Variants in KIAA1958 observed in about 807,000 individuals in gnomAD.
The protein encoded by KIAA1958 is KIAA1958.
In KIAA1958, 14 loss-of-function variants were observed where a neutral mutation model predicts 47.2. That is an observed-to-expected ratio of 0.30 (90% CI 0.20 to 0.46). The LOEUF (loss-of-function observed/expected upper bound fraction) is 0.46, where lower values mean the gene tolerates loss of function less well. Ranked by LOEUF, KIAA1958 falls within the 20% of genes least tolerant of loss-of-function variation. The pLI is 1.00. For synonymous variants in KIAA1958, 354 were observed against 353.3 expected (o/e 1.00, Z -0.02); for missense variants, 803 against 909.2 (o/e 0.88, Z 1.50).
At chr9:112,545,164 G>A (rs553395500) in intron 1 of KIAA1958, among the ~76,000 whole-genome samples, 1 of 152,170 alleles carries the variant, frequency 6.6e-6, no homozygotes, top group South Asian at 2.1e-4. Flanking sequence ...CTGGTCTACC[G>A]TTGACCTCCA....
At chr9:112,596,585 T>C (rs1836037079) in intron 2 of KIAA1958, among the ~76,000 whole-genome samples, 1 of 152,140 alleles carries the variant, frequency 6.6e-6, no homozygotes, top group African/African-American at 2.4e-5. Flanking sequence ...TGGAACAACA[T>C]AATTTTTATT....
intron 2 of KIAA1958, among the ~76,000 whole-genome samples, chr9:112,621,391 G>A (rs546733399): frequency 1.3e-5 from 2 of 152,244 alleles, no homozygotes; most frequent in South Asian, 4.2e-4. Flanking sequence ...AAAATGTTAT[G>A]GTGCATTTAA....
At chr9:112,557,165 AC>A (rs11311857) in intron 1 of KIAA1958, among the ~76,000 whole-genome samples, 82,149 of 151,538 alleles carry the variant, frequency 0.54, 22,289 homozygotes, top group African/African-American at 0.57. Flanking sequence ...TCACTCTATT[AC>A]CTAGGCTGGC....
chr9:112,587,042 C>A (rs550154805), intron 2 of KIAA1958, among the ~76,000 whole-genome samples: 4 of 152,140 alleles, frequency 2.6e-5, no homozygotes, highest in Admixed American at 2.0e-4. Flanking sequence ...GCAGGTGATC[C>A]GCTTCATTTT....
chr9:112,588,625 T>TTG (rs1408282058), intron 2 of KIAA1958, among the ~76,000 whole-genome samples: 1 of 152,082 alleles, frequency 6.6e-6, no homozygotes, highest in African/African-American at 2.4e-5. Context: ...TTTTGTTACT[T>TTG]TGTGTGTGTG....
chr9:112,614,944 A>G (rs1167134806), intron 2 of KIAA1958, among the ~76,000 whole-genome samples: 1 of 152,256 alleles, frequency 6.6e-6, no homozygotes, highest in Non-Finnish European at 1.5e-5. Context: ...CAGTTCCACT[A>G]ATAGCAGACT....
intron 2 of KIAA1958, among the ~76,000 whole-genome samples, chr9:112,607,961 T>TG (rs1348749582): frequency 1.3e-5 from 2 of 152,178 alleles, no homozygotes; most frequent in Non-Finnish European, 2.9e-5. Flanking sequence ...AGTGTAAAGA[T>TG]ATTCTCAAGA....
chr9:112,516,742 A>G (rs1209906302), intron 1 of KIAA1958, among the ~76,000 whole-genome samples: 5 of 152,244 alleles, frequency 3.3e-5, no homozygotes, highest in Non-Finnish European at 2.9e-5. Context: ...TACTGGTATA[A>G]GAATTGTTGT....
chr9:112,539,098 A>G (rs1007875134), intron 1 of KIAA1958, among the ~76,000 whole-genome samples: 1 of 152,224 alleles, frequency 6.6e-6, no homozygotes, highest in Non-Finnish European at 1.5e-5. Context: ...CACTAGTAGA[A>G]GTTTAAAATT....
intron 2 of KIAA1958, among the ~76,000 whole-genome samples, chr9:112,644,335 G>C (rs957523911): frequency 6.6e-6 from 1 of 152,162 alleles, no homozygotes; most frequent in Non-Finnish European, 1.5e-5. Flanking sequence ...GAGGGAGCAG[G>C]AAAGGTGAGG....
chr9:112,564,761 A>G (rs1440685685), intron 1 of KIAA1958, among the ~76,000 whole-genome samples: 1 of 152,216 alleles, frequency 6.6e-6, no homozygotes, highest in Non-Finnish European at 1.5e-5. Flanking sequence ...AGATAATATC[A>G]AATTAACAAC....
At chr9:112,526,107 A>G (rs1036757403) in intron 1 of KIAA1958, among the ~76,000 whole-genome samples, 1 of 1,880 alleles carries the variant, frequency 5.3e-4, no homozygotes, top group African/African-American at 2.4e-3. Context: ...TGGGATTACA[A>G]GCATGAACCA....
intron 1 of KIAA1958, among the ~76,000 whole-genome samples, chr9:112,524,339 TC>T (rs1165096125): frequency 6.6e-6 from 1 of 152,258 alleles, no homozygotes; most frequent in East Asian, 1.9e-4. Context: ...ATTTACAAAT[TC>T]ATGGCTTTGG....
At chr9:112,505,541 G>A (rs1834220061) in intron 1 of KIAA1958, among the ~76,000 whole-genome samples, 1 of 152,204 alleles carries the variant, frequency 6.6e-6, no homozygotes, top group Non-Finnish European at 1.5e-5. Context: ...ATTGTATGGT[G>A]TGAAGTCTAT....
chr9:112,583,125 G>T (rs575318797), intron 2 of KIAA1958, among the ~76,000 whole-genome samples: 1 of 152,148 alleles, frequency 6.6e-6, no homozygotes, highest in Non-Finnish European at 1.5e-5. Context: ...CTATGTGAGA[G>T]AATTCCCTCC....
intron 2 of KIAA1958, among the ~76,000 whole-genome samples, chr9:112,625,697 A>G (rs1416986535): frequency 2.6e-5 from 4 of 152,238 alleles, no homozygotes; most frequent in Admixed American, 1.3e-4. Context: ...AGTAGATTCA[A>G]GCTGCCAAGT....
chr9:112,577,185 T>TA (rs1165238650), intron 2 of KIAA1958, among the ~76,000 whole-genome samples: 1 of 152,186 alleles, frequency 6.6e-6, no homozygotes, highest in Non-Finnish European at 1.5e-5. Flanking sequence ...TTGGCCATTT[T>TA]AAAATTGCCT....
At chr9:112,644,633 C>T (rs1836947453) in intron 2 of KIAA1958, among the ~76,000 whole-genome samples, 1 of 152,052 alleles carries the variant, frequency 6.6e-6, no homozygotes, top group African/African-American at 2.4e-5. Context: ...ATGTTGAGAC[C>T]TGTCTTTATC....
chr9:112,633,471 T>C (rs1038694575), intron 2 of KIAA1958, among the ~76,000 whole-genome samples: 1 of 152,190 alleles, frequency 6.6e-6, no homozygotes, highest in African/African-American at 2.4e-5. Flanking sequence ...AAGGATTTTT[T>C]AATGTTTTCT....
Sources: gnomAD v4.1 joint callset for allele counts (sites outside exome capture counted in the v4.1 genomes callset) on GRCh38, gnomAD v4.1.1 for gene constraint, MANE v1.5 for transcripts, NCBI Gene and HGNC (gene_info 2026-07-23, HGNC 2026-07-21) for gene names.